Variants in LINGO2 observed in about 807,000 individuals in gnomAD.
The protein encoded by LINGO2 is leucine-rich repeat and immunoglobulin-like domain-containing nogo receptor-interacting protein 2.
In LINGO2, 14 loss-of-function variants were observed where a neutral mutation model predicts 30.6. The ratio of observed to expected loss-of-function variants is 0.46; its 90% CI spans 0.30 to 0.72. LINGO2 has a LOEUF of 0.72. Among genes scored for constraint, LINGO2 ranks in the 30% least tolerant of loss-of-function variants. LINGO2 has a pLI of 0.07. For missense variants in LINGO2, 729 were observed against 751.7 expected, an observed-to-expected ratio of 0.97 and a Z score of 0.35; for synonymous variants, 317 against 288.5, an observed-to-expected ratio of 1.10 and a Z score of -1.00.
chr9:28,354,720 AT>A (rs1181375823), intron 3 of LINGO2, among the ~76,000 whole-genome samples: 1 of 152,142 alleles, frequency 6.6e-6, no homozygotes, highest in Non-Finnish European at 1.5e-5. Context: ...ATTTTAAAAC[AT>A]TTTTATAGCT....
the LINGO2 span, chr9:27,941,835 A>G: frequency 1.3e-5 from 2 of 152,134 alleles, no homozygotes. Context: ...CTTGAAGACT[A>G]AAGTTGTTTC....
At chr9:28,213,827 C>T (rs982835597) in intron 4 of LINGO2, among the ~76,000 whole-genome samples, 2 of 151,428 alleles carry the variant, frequency 1.3e-5, no homozygotes, top group Non-Finnish European at 3.0e-5. Flanking sequence ...AACTTACACT[C>T]CACACAGTAT....
chr9:28,495,805 A>T (rs10968618), intron 1 of LINGO2, among the ~76,000 whole-genome samples: 27,654 of 151,964 alleles, frequency 0.18, 2,872 homozygotes, highest in East Asian at 0.31. Flanking sequence ...TAGTGCTATA[A>T]ATTTCCCTCT....
the LINGO2 span, among the ~76,000 whole-genome samples, chr9:28,923,621 G>A: frequency 3.1e-5 from 3 of 95,888 alleles, no homozygotes; most frequent in Non-Finnish European, 4.7e-5. Context: ...CATACAACAG[G>A]ATGGGAATAG....
intron 1 of LINGO2, among the ~76,000 whole-genome samples, chr9:28,627,674 C>T (rs903492712): frequency 6.6e-6 from 1 of 151,948 alleles, no homozygotes; most frequent in Non-Finnish European, 1.5e-5. Flanking sequence ...GTAGGGAAAA[C>T]AAGTCTAGTT....
intron 4 of LINGO2, among the ~76,000 whole-genome samples, chr9:28,181,323 T>A (rs780886124): frequency 3.3e-5 from 5 of 152,220 alleles, no homozygotes; most frequent in Non-Finnish European, 7.3e-5. Context: ...CTATGAACAA[T>A]GTTTGGAGGA....
the LINGO2 span, among the ~76,000 whole-genome samples, chr9:29,085,955 A>G: frequency 6.6e-6 from 1 of 152,128 alleles, no homozygotes; most frequent in Admixed American, 6.6e-5. Context: ...ATCATAGCTA[A>G]GTGCATTTGT....
the LINGO2 span, among the ~76,000 whole-genome samples, chr9:28,689,563 G>A: frequency 6.6e-6 from 1 of 152,094 alleles, no homozygotes; most frequent in African/African-American, 2.4e-5. Context: ...AACAACAGAT[G>A]CTGGTAAGGT....
the LINGO2 span, among the ~76,000 whole-genome samples, chr9:29,117,510 CAG>C: frequency 6.6e-6 from 1 of 152,164 alleles, no homozygotes; most frequent in South Asian, 2.1e-4. Flanking sequence ...GTGAACATCA[CAG>C]AGTTATCCCA....
At chr9:29,084,924 T>C in the LINGO2 span, among the ~76,000 whole-genome samples, 12 of 151,984 alleles carry the variant, frequency 7.9e-5, no homozygotes, top group Admixed American at 6.6e-5. Flanking sequence ...AACAAGTGAA[T>C]GAGTAAATGC....
At chr9:28,563,627 C>G (rs892221420) in intron 1 of LINGO2, among the ~76,000 whole-genome samples, 2 of 152,084 alleles carry the variant, frequency 1.3e-5, no homozygotes, top group Non-Finnish European at 2.9e-5. Flanking sequence ...GTTGGCAGTT[C>G]ATTATCCTTG....
At chr9:28,885,484 C>T in the LINGO2 span, among the ~76,000 whole-genome samples, 10 of 63,030 alleles carry the variant, frequency 1.6e-4, no homozygotes, top group South Asian at 2.7e-3. Context: ...TACATATACA[C>T]GTTTATATAT....
At position 28,320,704 on chromosome 9, in the gene LINGO2, G is replaced by T. The variant is rs549059274; in HGVS notation, c.-245-25338C>A. Among the ~76,000 whole-genome samples the T allele has an allele frequency of 3.9e-5, 6 of 152,262 alleles. No individual in the cohort carries two copies. In the East Asian group the frequency reaches 1.2e-3, roughly 29 times the overall value. On this transcript the variant is annotated intron_variant, in intron 3 of 5. Transcript: ENST00000379992. ...GCCAGATCGCTCTCTATGAATGGCA[G>T]CTTCATTACCTTCAAAAGATTTCTT... is the stretch of plus-strand genomic sequence containing the variant.
At chr9:28,444,948 T>G (rs1353559062) in intron 2 of LINGO2, among the ~76,000 whole-genome samples, 1 of 152,138 alleles carries the variant, frequency 6.6e-6, no homozygotes, top group African/African-American at 2.4e-5. Flanking sequence ...CAAGCCATAC[T>G]CAGGCATAAG....
intron 4 of LINGO2, among the ~76,000 whole-genome samples, chr9:28,227,939 T>G (rs7030395): frequency 0.22 from 33,865 of 151,908 alleles, 3,987 homozygotes; most frequent in African/African-American, 0.29. Flanking sequence ...AATACACTAT[T>G]TATTAATTAT....
At chr9:27,950,033 G>C in exon 6 of LINGO2, 1 of 1,614,104 alleles carries the variant, frequency 6.2e-7, no homozygotes. Flanking sequence ...GCATATTGTT[G>C]ATATTGAGAT....
chr9:28,979,098 T>A, the LINGO2 span, among the ~76,000 whole-genome samples: 1 of 152,092 alleles, frequency 6.6e-6, no homozygotes, highest in African/African-American at 2.4e-5. Flanking sequence ...TCTTTTTTTA[T>A]CTCTTCCTTT....
chr9:28,304,776 C>T (rs1420026298), intron 3 of LINGO2, among the ~76,000 whole-genome samples: 1 of 151,970 alleles, frequency 6.6e-6, no homozygotes, highest in Non-Finnish European at 1.5e-5. Context: ...AGAAAACCTA[C>T]TGGCACCCAG....
Position 28,316,165 on chromosome 9 carries a change from TGTTA to T in LINGO2, c.-245-20803_-245-20800del, listed in dbSNP as rs1159055422. Among the ~76,000 whole-genome samples the T allele has an allele frequency of 3.9e-5, 6 of 152,028 alleles. No individual in the cohort carries two copies. In the South Asian group the frequency reaches 1.0e-3, roughly 26 times the overall value. Reference sequence around the variant, plus strand: ...ATATTAATAATAAGCAGCCAATAAATGTTAGTTATAAAAACAATTATTAAATATA... The same window carrying T: ...ATATTAATAATAAGCAGCCAATAAATGTTATAAAAACAATTATTAAATATA... On this transcript the variant is annotated intron_variant, in intron 3 of 5. Coordinates refer to ENST00000379992, the Ensembl canonical transcript of LINGO2.
Sources: allele counts gnomAD v4.1 joint callset (sites outside exome capture counted in the v4.1 genomes callset), GRCh38; gene constraint gnomAD v4.1.1; transcripts MANE v1.5; gene names NCBI Gene and HGNC (gene_info 2026-07-23, HGNC 2026-07-21).